MYO10: variants seen among roughly 807,000 people sequenced by gnomAD.
MYO10 encodes the protein myosin X.
In MYO10, 133 loss-of-function variants were observed where a neutral mutation model predicts 257.3. That is an observed-to-expected ratio of 0.52 (90% CI 0.45 to 0.60). The LOEUF (loss-of-function observed/expected upper bound fraction) is 0.60, where lower values mean the gene tolerates loss of function less well. Ranked by LOEUF, MYO10 falls within the 20% of genes least tolerant of loss-of-function variation. The pLI, the probability that MYO10 is intolerant of heterozygous loss-of-function variation, is 0.00. For missense variants in MYO10, 2,399 were observed against 2,635.7 expected, an observed-to-expected ratio of 0.91 and a Z score of 1.97; for synonymous variants, 1,104 against 1,028.6, an observed-to-expected ratio of 1.07 and a Z score of -1.40.
chr5:16,771,073 T>A (rs1035473562), intron 9 of MYO10, among the ~76,000 whole-genome samples: 2 of 152,190 alleles, frequency 1.3e-5, no homozygotes, highest in African/African-American at 2.4e-5. Flanking sequence ...AGGCCAAGAT[T>A]AATTTCTTTA....
intron 19 of MYO10, among the ~76,000 whole-genome samples, chr5:16,731,960 A>G (rs1262879201): frequency 6.6e-6 from 1 of 152,180 alleles, no homozygotes; most frequent in Admixed American, 6.5e-5. Context: ...CCAAGCAAGG[A>G]AAGAAAATGA....
chr5:16,880,395 C>CTT lies in MYO10; in HGVS notation c.22-2689_22-2688insAA, dbSNP rs1272369518. Among the ~76,000 whole-genome samples the CTT allele has an allele frequency of 4.0e-3, 614 of 151,954 alleles. 11 individuals carry two copies. Among genetic ancestry groups the CTT allele is most frequent in the African/African-American group, 0.014 (588 of 41,322 alleles). On this transcript the variant is annotated intron_variant, in intron 1 of 40. Transcript: ENST00000513610. ...AGACTCCTTTCCCCACTGACCAACT[C>CTT]ACAGAGTTCCCCGGAGAGTTATACG...
At chr5:16,832,850 T>C (rs558249913) in intron 2 of MYO10, among the ~76,000 whole-genome samples, 3 of 152,310 alleles carry the variant, frequency 2.0e-5, no homozygotes, top group African/African-American at 4.8e-5. Context: ...TCCTTACCCC[T>C]TCCTCAGGGA....
At chr5:16,699,636 C>T (rs1737934018) in intron 25 of MYO10, 63 bp from the exon 26 acceptor site, 1 of 1,600,020 alleles carries the variant, frequency 6.2e-7, no homozygotes, top group Non-Finnish European at 8.5e-7. Context: ...ACGAAGATAC[C>T]CAGCATGTAT....
intron 19 of MYO10, chr5:16,738,253 G>A (rs952012229): frequency 6.1e-6 from 6 of 985,402 alleles, no homozygotes; most frequent in Non-Finnish European, 7.2e-6. Flanking sequence ...GAGGAGGAGG[G>A]GTGGTCAGAG....
intron 9 of MYO10, among the ~76,000 whole-genome samples, chr5:16,771,567 T>G (rs1227063623): frequency 6.8e-6 from 1 of 146,928 alleles, no homozygotes; most frequent in African/African-American, 2.5e-5. Context: ...TTATTATTAT[T>G]ATTATTATTA....
At chr5:16,789,097 C>T (rs1741677837) in intron 4 of MYO10, among the ~76,000 whole-genome samples, 1 of 152,174 alleles carries the variant, frequency 6.6e-6, no homozygotes, top group South Asian at 2.1e-4. Context: ...TTTTCTAGAT[C>T]CAGCCCATGT....
At chr5:16,813,001 C>G (rs1428415555) in intron 3 of MYO10, among the ~76,000 whole-genome samples, 3 of 151,350 alleles carry the variant, frequency 2.0e-5, no homozygotes, top group Non-Finnish European at 2.9e-5. Flanking sequence ...AAAATATTTT[C>G]CTGGTTTCTG....
intron 1 of MYO10, among the ~76,000 whole-genome samples, chr5:16,926,571 A>C (rs1392760143): frequency 6.6e-6 from 1 of 152,134 alleles, no homozygotes; most frequent in East Asian, 1.9e-4. Flanking sequence ...GCATGGTGGC[A>C]CACACTTGTA....
intron 19 of MYO10, among the ~76,000 whole-genome samples, chr5:16,724,679 A>C (rs759292395): frequency 1.3e-5 from 2 of 152,174 alleles, no homozygotes; most frequent in African/African-American, 2.4e-5. Context: ...AGGGATGCAA[A>C]AGAAATTGGG....
chr5:16,740,137 CT>C (rs955780487), intron 19 of MYO10, among the ~76,000 whole-genome samples: 2 of 152,160 alleles, frequency 1.3e-5, no homozygotes, highest in Non-Finnish European at 2.9e-5. Flanking sequence ...CAGTCCACCC[CT>C]AACCTCTGGT....
At chr5:16,921,339 G>T (rs1199369317) in intron 1 of MYO10, among the ~76,000 whole-genome samples, 1 of 152,092 alleles carries the variant, frequency 6.6e-6, no homozygotes, top group Admixed American at 6.6e-5. Context: ...TCTAGGGAAA[G>T]GAACTAAAAA....
intron 2 of MYO10, among the ~76,000 whole-genome samples, chr5:16,820,432 G>A (rs1580031346): frequency 6.6e-6 from 1 of 152,156 alleles, no homozygotes; most frequent in Non-Finnish European, 1.5e-5. Flanking sequence ...GGCCAACCAA[G>A]TAGTATAAAG....
intron 26 of MYO10, among the ~76,000 whole-genome samples, chr5:16,697,537 TA>T (rs1479924517): frequency 6.6e-6 from 1 of 151,878 alleles, no homozygotes; most frequent in Non-Finnish European, 1.5e-5. Flanking sequence ...CTGTCTCTAC[TA>T]AAAATACAAA....
At chr5:16,883,162 G>A (rs1026074355) in intron 1 of MYO10, among the ~76,000 whole-genome samples, 1 of 151,976 alleles carries the variant, frequency 6.6e-6, no homozygotes, top group Admixed American at 6.6e-5. Context: ...TGATCCACCC[G>A]CCTCGGCCTC....
chr5:16,687,878 C>T (rs1737320872), intron 28 of MYO10, among the ~76,000 whole-genome samples: 1 of 152,200 alleles, frequency 6.6e-6, no homozygotes, highest in African/African-American at 2.4e-5. Flanking sequence ...GAATCACATA[C>T]ACAAAGGCAT....
chr5:16,673,655 G>A (rs749548911), intron 36 of MYO10, 27 bp downstream of exon 36: 1 of 1,600,664 alleles, frequency 6.2e-7, no homozygotes, highest in Non-Finnish European at 8.5e-7. Context: ...GCATCTAACA[G>A]AACAAGCAGC....
intron 3 of MYO10, among the ~76,000 whole-genome samples, chr5:16,809,489 C>A (rs1159025889): frequency 6.6e-6 from 1 of 152,234 alleles, no homozygotes; most frequent in Non-Finnish European, 1.5e-5. Context: ...CTTCACATGG[C>A]AAGCAGGCCG....
chr5:16,696,825 C>T (rs1737766550), intron 26 of MYO10, among the ~76,000 whole-genome samples: 1 of 144,986 alleles, frequency 6.9e-6, no homozygotes, highest in Non-Finnish European at 1.5e-5. Context: ...CACTGCACTC[C>T]AGCCTGGGTG....
Sources: gnomAD v4.1 joint callset for allele counts (sites outside exome capture counted in the v4.1 genomes callset) on GRCh38, gnomAD v4.1.1 for gene constraint, MANE v1.5 for transcripts, NCBI Gene and HGNC (gene_info 2026-07-23, HGNC 2026-07-21) for gene names.